The following DMD variants were observed in gnomAD, a reference collection of about 807,000 sequenced individuals.
DMD encodes the protein mutant dystrophin.
Under a neutral mutation model 330.1 loss-of-function variants are expected in DMD, and 63 were observed. The observed-to-expected ratio is 0.19, with a 90% CI of 0.16 to 0.24. The LOEUF is 0.24. Among genes scored for constraint, DMD ranks in the 10% least tolerant of loss-of-function variants. The probability of loss-of-function intolerance (pLI) is 1.00; values close to 1 mark genes in which losing one functional copy is unlikely to be tolerated. For synonymous variants in DMD, 1,223 were observed against 959.8 expected, an observed-to-expected ratio of 1.27 and a Z score of -5.07; for missense variants, 3,344 against 2,684.1, an observed-to-expected ratio of 1.25 and a Z score of -5.43.
At chrX:32,427,905 C>T (rs940246080) in intron 29 of DMD, among the ~76,000 whole-genome samples, 4 of 111,143 alleles carry the variant, frequency 3.6e-5, no homozygotes, top group Admixed American at 1.9e-4. Context: ...ATTTGCATAG[C>T]TTTTAGTATT....
At chrX:31,323,237 C>T (rs765756825) in intron 62 of DMD, among the ~76,000 whole-genome samples, 3 of 111,502 alleles carry the variant, frequency 2.7e-5, no homozygotes, top group Non-Finnish European at 3.8e-5. Flanking sequence ...CTATCTTTGA[C>T]GGAAGAAGAA....
At chrX:32,142,133 C>T (rs1297486055) in intron 44 of DMD, among the ~76,000 whole-genome samples, 2 of 110,579 alleles carry the variant, frequency 1.8e-5, no homozygotes, top group African/African-American at 6.6e-5. Context: ...GGTAGACAGC[C>T]CTCTCCAGGA....
chrX:31,673,048 C>T (rs796517664), intron 53 of DMD, among the ~76,000 whole-genome samples: 1 of 112,219 alleles, frequency 8.9e-6, no homozygotes, highest in South Asian at 3.7e-4. Context: ...TTCCAGGGAG[C>T]TGCAAGATAG....
At chrX:32,444,073 G>A (rs753886014) in intron 27 of DMD, among the ~76,000 whole-genome samples, 1 of 110,563 alleles carries the variant, frequency 9.0e-6, no homozygotes, top group Non-Finnish European at 1.9e-5. Context: ...CAGGGTATAC[G>A]ACATCAAAGC....
rs757678419 is a variant in DMD at position 32,897,433 on chromosome X, A to C, written c.94-47613T>G. Among the ~76,000 whole-genome samples the C allele has an allele frequency of 1.3e-4, 14 of 111,676 alleles. No individual in the cohort carries two copies. In the Admixed American group the frequency reaches 1.3e-3, roughly 11 times the overall value. The stretch of plus-strand genomic sequence containing the variant: ...AGCACAGGTAGAGAAAATCTATGAC[A>C]TTAGGAGAGTCTTTCATTTAAAAAC... On this transcript the variant is annotated intron_variant, in intron 2 of 78. Coordinates refer to ENST00000357033, the MANE Select transcript of DMD (RefSeq NM_004006.3).
At position 31,336,129 on chromosome X, in the gene DMD, T is replaced by TAA. The variant is rs766792578; in HGVS notation, c.9163+12425_9163+12426dup. The stretch of plus-strand genomic sequence containing the variant: ...TTTCATCGAGAGACTAAAGGGTCCC[T>TAA]AAGGATGCAGAAAAGCAACTTCAAA... On this transcript the variant is annotated intron_variant, in intron 61 of 78. Transcript: ENST00000357033. Among the ~76,000 whole-genome samples the TAA allele has an allele frequency of 4.4e-5, 5 of 112,761 alleles. No individual in the cohort carries two copies. In the East Asian group the frequency reaches 1.4e-3, roughly 31 times the overall value.
chrX:33,091,756 T>C (rs939390615), intron 1 of DMD, among the ~76,000 whole-genome samples: 3 of 111,526 alleles, frequency 2.7e-5, no homozygotes, highest in Non-Finnish European at 5.7e-5. Context: ...TTTGGTGTCT[T>C]TTATTTACTG....
intron 77 of DMD, among the ~76,000 whole-genome samples, chrX:31,133,081 T>C (rs1457252450): frequency 8.9e-6 from 1 of 111,872 alleles, no homozygotes; most frequent in East Asian, 2.8e-4. Context: ...AAATGGCCAT[T>C]GTTAACTGAC....
chrX:31,426,331 A>C (rs919364823), intron 60 of DMD, among the ~76,000 whole-genome samples: 1 of 111,867 alleles, frequency 8.9e-6, no homozygotes, highest in Non-Finnish European at 1.9e-5. Context: ...AAACTTAAGA[A>C]CTTTAAAGTC....
At chrX:33,228,150 A>G (rs1290726649) in intron 1 of DMD, among the ~76,000 whole-genome samples, 1 of 111,268 alleles carries the variant, frequency 9.0e-6, no homozygotes, top group Non-Finnish European at 1.9e-5. Flanking sequence ...TAAAGCATTT[A>G]TATTTCCTTA....
At chrX:31,899,619 C>A (rs2094395300) in intron 47 of DMD, among the ~76,000 whole-genome samples, 1 of 111,110 alleles carries the variant, frequency 9.0e-6, no homozygotes, top group African/African-American at 3.3e-5. Context: ...GGAAGGCCTG[C>A]AAAATTTTTT....
chrX:32,928,523 A>T (rs1436828994), intron 2 of DMD, among the ~76,000 whole-genome samples: 1 of 111,592 alleles, frequency 9.0e-6, no homozygotes, highest in Non-Finnish European at 1.9e-5. Flanking sequence ...CTAGCAAGTA[A>T]GAAGATGAAG....
At chrX:32,169,617 G>A (rs1448848033) in intron 44 of DMD, among the ~76,000 whole-genome samples, 2 of 111,755 alleles carry the variant, frequency 1.8e-5, no homozygotes, top group Non-Finnish European at 3.8e-5. Context: ...AAATGCTGAA[G>A]GAGGTGTCAC....
chrX:33,013,915 A>T (rs1038848260), intron 2 of DMD, among the ~76,000 whole-genome samples: 2 of 111,776 alleles, frequency 1.8e-5, no homozygotes, highest in Non-Finnish European at 3.8e-5. Flanking sequence ...ATAGTAACAC[A>T]TGAATAAATG....
chrX:33,328,692 A>G (rs909349604), intron 1 of DMD, among the ~76,000 whole-genome samples: 5 of 111,292 alleles, frequency 4.5e-5, no homozygotes, highest in African/African-American at 1.6e-4. Context: ...AAGACCCTAC[A>G]TGGTTTACTA....
chrX:31,696,547 T>C lies in DMD; in HGVS notation c.7661-16961A>G, dbSNP rs374911700. 2.7e-5 allele frequency among the ~76,000 whole-genome samples: 3 copies of C among 112,249 alleles called. No homozygotes were observed. In the East Asian group the frequency reaches 8.3e-4, roughly 31 times the overall value. The stretch of plus-strand genomic sequence containing the variant: ...TTCTGGCTATATTATATTATGTTTC[T>C]TGATTTGGATGCTATTTACACAGTT... On this transcript the variant is annotated intron_variant, in intron 52 of 78. Transcript: ENST00000357033.
intron 44 of DMD, among the ~76,000 whole-genome samples, chrX:32,139,012 G>T (rs1043868624): frequency 8.9e-6 from 1 of 112,194 alleles, no homozygotes; most frequent in African/African-American, 3.2e-5. Flanking sequence ...AAAGAAAACA[G>T]CTCCTAAATT....
intron 44 of DMD, among the ~76,000 whole-genome samples, chrX:32,068,374 A>ATTTTTTT (rs749610367): frequency 3.1e-5 from 2 of 64,317 alleles, no homozygotes; most frequent in Non-Finnish European, 5.9e-5. Flanking sequence ...CTTGCTTGTC[A>ATTTTTTT]TTTTTTTTTT....
At chrX:32,564,132 T>C (rs768937983) in intron 16 of DMD, among the ~76,000 whole-genome samples, 5 of 111,298 alleles carry the variant, frequency 4.5e-5, no homozygotes, top group African/African-American at 1.6e-4. Context: ...ATGGATGAGA[T>C]TTTCTGAGCA....
Sources: gnomAD v4.1 joint callset for allele counts (sites outside exome capture counted in the v4.1 genomes callset) on GRCh38, gnomAD v4.1.1 for gene constraint, MANE v1.5 for transcripts, NCBI Gene and HGNC (gene_info 2026-07-23, HGNC 2026-07-21) for gene names.